CENPU: variants seen among roughly 807,000 people sequenced by gnomAD.
CENPU encodes centromere protein U, also known as KSHV latent nuclear antigen interacting protein 1.
In CENPU, 46 loss-of-function variants were observed where a neutral mutation model predicts 56.7. The observed-to-expected ratio is 0.81, with a 90% CI of 0.64 to 1.04. CENPU has a LOEUF of 1.04. Among genes scored for constraint, CENPU ranks in the 50% least tolerant of loss-of-function variants. The pLI is 0.00. For synonymous variants in CENPU, 166 were observed against 163.0 expected, an observed-to-expected ratio of 1.02 and a Z score of -0.14; for missense variants, 510 against 490.1, an observed-to-expected ratio of 1.04 and a Z score of -0.38.
In CENPU at chr4:184,702,780, G is replaced by A. The variant is rs370109738; in HGVS notation, c.798-339C>T. 1.5e-4 allele frequency among the ~76,000 whole-genome samples: 23 copies of A among 152,214 alleles called. No individual in the cohort carries two copies. The East Asian group carries it at 2.1e-3, about 14-fold the overall frequency. On this transcript the variant is annotated intron_variant, in intron 8 of 12. Transcript: ENST00000281453. ...ATTGTTGCCATCTTTATGTCCATGT[G>A]CACCCAGTGTTTAGCTCCCACTTAT...
intron 1 of CENPU, chr4:184,733,270 TC>T: frequency 3.1e-6 from 3 of 979,444 alleles, no homozygotes; most frequent in Non-Finnish European, 3.6e-6. Flanking sequence ...CTCCAGCTTT[TC>T]CACCCTAACC....
intron 3 of CENPU, among the ~76,000 whole-genome samples, chr4:184,727,245 A>G (rs941371046): frequency 5.3e-5 from 8 of 152,174 alleles, no homozygotes; most frequent in Non-Finnish European, 7.4e-5. Flanking sequence ...TCAGATTCCT[A>G]GAAAACAGAA....
At chr4:184,718,183 C>T (rs141015546) in intron 4 of CENPU, among the ~76,000 whole-genome samples, 2 of 152,314 alleles carry the variant, frequency 1.3e-5, no homozygotes, top group Admixed American at 6.5e-5. Flanking sequence ...TGGGCAGTCT[C>T]TAGCCAACAA....
At chr4:184,720,935 G>T (rs961335582) in intron 4 of CENPU, among the ~76,000 whole-genome samples, 2 of 152,104 alleles carry the variant, frequency 1.3e-5, no homozygotes, top group Non-Finnish European at 2.9e-5. Context: ...TAAATCATCT[G>T]AAGGTATAAA....
Position 184,734,012 on chromosome 4 carries a change from T to G in CENPU, c.47+4A>C, listed in dbSNP as rs769935607. 1.0e-5 allele frequency: 16 copies of G among 1,607,912 alleles called. No individual in the cohort carries two copies. In the African/African-American group the frequency reaches 2.0e-4, roughly 20 times the overall value. On this transcript the variant is annotated splice_donor_region_variant and intron_variant, in intron 1 of 12. Transcript: ENST00000281453. ...CCGCGCTCCCGAGGGTCGGCAGTACTTACCCCTCAGACCTGTGAGGCCGCG... is the reference window on the plus strand; with the variant it reads ...CCGCGCTCCCGAGGGTCGGCAGTACGTACCCCTCAGACCTGTGAGGCCGCG...
intron 7 of CENPU, 82 bp downstream of exon 7, chr4:184,712,862 A>T: frequency 1.1e-6 from 1 of 945,278 alleles, no homozygotes; most frequent in Non-Finnish European, 1.6e-6. Flanking sequence ...ACAATTTACT[A>T]CTATAACAAA....
chr4:184,694,731 A>C lies in CENPU; in HGVS notation c.*557T>G. On this transcript the variant is annotated 3_prime_UTR_variant, in exon 13 of 13. Coordinates refer to ENST00000281453, the MANE Select transcript of CENPU (RefSeq NM_024629.4). ...ACAGTCTTCTCAGTTATAACAGTGA[A>C]GTGGATGAAATTCCTGATGAACTAA... The C allele has an allele frequency of 6.2e-7, 1 of 1,612,720 alleles. No individual in the cohort carries two copies. Among genetic ancestry groups the C allele is most frequent in the Non-Finnish European group, 8.5e-7 (1 of 1,178,694 alleles).
chr4:184,724,684 T>C (rs903721154), intron 4 of CENPU, among the ~76,000 whole-genome samples: 2 of 152,238 alleles, frequency 1.3e-5, no homozygotes, highest in Admixed American at 6.5e-5. Flanking sequence ...TTGTAAAATC[T>C]TTCCCTCCTT....
intron 1 of CENPU, among the ~76,000 whole-genome samples, chr4:184,731,729 C>A (rs540812213): frequency 6.6e-6 from 1 of 152,260 alleles, no homozygotes; most frequent in South Asian, 2.1e-4. Flanking sequence ...ATATGCCATG[C>A]AGATTGCAGC....
intron 6 of CENPU, 36 bp downstream of exon 6, chr4:184,716,361 T>C: frequency 4.1e-6 from 6 of 1,452,918 alleles, no homozygotes; most frequent in Non-Finnish European, 5.7e-6. Flanking sequence ...TCAATAAACT[T>C]TTTTTGCCCT....
Position 184,694,430 on chromosome 4 carries a change from C to T in CENPU, c.*858G>A. ...TCACTTTAGTATCTGTCACTTAATA[C>T]CTTACTTCAACATAGAGTATAAGGT... On this transcript the variant is annotated 3_prime_UTR_variant, in exon 13 of 13. Coordinates refer to ENST00000281453, the MANE Select transcript of CENPU (RefSeq NM_024629.4). 4 of 1,482,070 alleles carry T rather than the reference C, an allele frequency of 2.7e-6. No individual in the cohort carries two copies. In the South Asian group the frequency reaches 5.6e-5, roughly 21 times the overall value. 91.8% of individuals were successfully genotyped at this position (1,482,070 alleles called of 1,614,324 possible).
At position 184,721,087 on chromosome 4, in the gene CENPU, T is replaced by C. The variant is rs184736605; in HGVS notation, c.320+3870A>G. On this transcript the variant is annotated intron_variant, in intron 4 of 12. Coordinates refer to ENST00000281453, the MANE Select transcript of CENPU (RefSeq NM_024629.4). ...CAAAACATAAACAGTACAATAAAAA[T>C]AAAAACAAAAAGTTAAAAAGTGGGG... Among the ~76,000 whole-genome samples, 271 of 152,104 alleles carry C rather than the reference T, an allele frequency of 1.8e-3. 2 individuals are homozygous for C. The highest frequency in any genetic ancestry group is 2.6e-3 in the Non-Finnish European group (180 of 67,954).
intron 4 of CENPU, among the ~76,000 whole-genome samples, chr4:184,718,327 C>T (rs1761162474): frequency 6.6e-6 from 1 of 152,242 alleles, no homozygotes; most frequent in African/African-American, 2.4e-5. Context: ...CAGTCTGAGG[C>T]CACCTCTGCC....
intron 1 of CENPU, chr4:184,733,272 C>A: frequency 4.1e-6 from 4 of 978,370 alleles, no homozygotes; most frequent in Non-Finnish European, 4.9e-6. Context: ...CCAGCTTTTC[C>A]ACCCTAACCC....
chr4:184,723,995 T>G (rs991547074), intron 4 of CENPU, among the ~76,000 whole-genome samples: 11 of 152,172 alleles, frequency 7.2e-5, no homozygotes, highest in Non-Finnish European at 2.9e-5. Flanking sequence ...CCGGGTGCAG[T>G]GGCTGACGCC....
intron 4 of CENPU, among the ~76,000 whole-genome samples, chr4:184,722,636 TG>T (rs1761318342): frequency 6.6e-6 from 1 of 150,880 alleles, no homozygotes; most frequent in Admixed American, 6.6e-5. Flanking sequence ...TTTTCTATGT[TG>T]AAAAAAAAAA....
intron 4 of CENPU, among the ~76,000 whole-genome samples, chr4:184,723,240 A>C (rs563768271): frequency 2.0e-5 from 3 of 152,356 alleles, no homozygotes; most frequent in South Asian, 4.1e-4. Context: ...AAACCTAGGT[A>C]GCAACCTATG....
intron 8 of CENPU, among the ~76,000 whole-genome samples, chr4:184,702,643 C>T (rs867540958): frequency 2.0e-5 from 3 of 152,110 alleles, no homozygotes; most frequent in Non-Finnish European, 4.4e-5. Flanking sequence ...ATGACACTGA[C>T]GTTTGGGGTA....
chr4:184,701,711 G>A (rs940250441), intron 10 of CENPU, among the ~76,000 whole-genome samples: 2 of 152,066 alleles, frequency 1.3e-5, no homozygotes, highest in Admixed American at 6.6e-5. Flanking sequence ...ATTCTAAAAG[G>A]TTGTGCTTTT....
Sources: gnomAD v4.1 joint callset for allele counts (sites outside exome capture counted in the v4.1 genomes callset) on GRCh38, gnomAD v4.1.1 for gene constraint, MANE v1.5 for transcripts, NCBI Gene and HGNC (gene_info 2026-07-23, HGNC 2026-07-21) for gene names.